The following TRAPPC8 variants were observed in gnomAD, a reference collection of about 807,000 sequenced individuals.
TRAPPC8 encodes the protein trafficking protein particle complex subunit 8.
In TRAPPC8, 54 loss-of-function variants were observed where a neutral mutation model predicts 174.3. That is an observed-to-expected ratio of 0.31 (90% confidence interval 0.25 to 0.39). The LOEUF (loss-of-function observed/expected upper bound fraction) is 0.39, where lower values mean the gene tolerates loss of function less well. TRAPPC8 is among the 10% of genes least tolerant of loss of function. TRAPPC8 has a pLI of 1.00. For missense variants in TRAPPC8, 1,531 were observed against 1,699.1 expected, an observed-to-expected ratio of 0.90 and a Z score of 1.74; for synonymous variants, 630 against 579.9, an observed-to-expected ratio of 1.09 and a Z score of -1.24.
chr18:31,911,864 C>T (rs1237688222), intron 5 of TRAPPC8, among the ~76,000 whole-genome samples: 2 of 141,472 alleles, frequency 1.4e-5, no homozygotes, highest in East Asian at 4.0e-4. Flanking sequence ...AGAGCGAGAT[C>T]CTGTCTCAAA....
At chr18:31,890,621 T>C (rs561871457) in intron 12 of TRAPPC8, 114 bp downstream of exon 12, 79 of 1,233,432 alleles carry the variant, frequency 6.4e-5, no homozygotes, top group Non-Finnish European at 8.4e-5. Flanking sequence ...TACCAATACA[T>C]TACCTCAGAA....
intron 24 of TRAPPC8, 151 bp from the exon 25 acceptor site, chr18:31,849,890 G>A (rs1341344375): frequency 7.9e-6 from 5 of 634,544 alleles, no homozygotes; most frequent in Non-Finnish European, 1.2e-5. Flanking sequence ...AATAATTCTT[G>A]TCAATGTAGT....
intron 12 of TRAPPC8, among the ~76,000 whole-genome samples, chr18:31,885,685 C>T (rs1487560702): frequency 6.6e-6 from 1 of 151,662 alleles, no homozygotes; most frequent in African/African-American, 2.4e-5. Context: ...ATGGAGAAAC[C>T]CTGTCTCTAC....
At chr18:31,908,134 T>G (rs1319130165) in intron 8 of TRAPPC8, among the ~76,000 whole-genome samples, 169 bp downstream of exon 8, 2 of 152,216 alleles carry the variant, frequency 1.3e-5, no homozygotes. Context: ...ATTACTTAGT[T>G]TTTAAAAAAT....
chr18:31,908,918 A>G lies in TRAPPC8; in HGVS notation c.958T>C (p.Ser320Pro), dbSNP rs1467136823. The G allele has an allele frequency of 4.3e-6, 7 of 1,613,788 alleles. No individual in the cohort carries two copies. The highest frequency in any genetic ancestry group is 1.1e-5 in the South Asian group (1 of 91,066). Reference sequence around the variant, plus strand: ...TTTGTTTCATGTAACGATGAAGCAGATCTTAGATGATCTGGGCCATCAATA... The same window carrying G: ...TTTGTTTCATGTAACGATGAAGCAGGTCTTAGATGATCTGGGCCATCAATA... ...NSIDGPDHLR[S>P]ASSLHETKKG... Residue 320 changes from serine to proline, a missense_variant, in exon 7 of 29, where the codon TCT (serine) becomes CCT (proline). Coordinates refer to ENST00000283351, the MANE Select transcript of TRAPPC8 (RefSeq NM_014939.5).
intron 2 of TRAPPC8, among the ~76,000 whole-genome samples, chr18:31,919,601 AATC>A (rs1568136767): frequency 6.8e-6 from 1 of 147,136 alleles, no homozygotes; most frequent in East Asian, 2.0e-4. Flanking sequence ...AAATAATAAT[AATC>A]CTAACACTTT....
At chr18:31,870,558 A>C in intron 15 of TRAPPC8, 56 bp from the exon 16 acceptor site, 1 of 1,543,276 alleles carries the variant, frequency 6.5e-7, no homozygotes, top group Non-Finnish European at 8.8e-7. Flanking sequence ...CCTCATTCTC[A>C]GCTTCGATCT....
chr18:31,916,762 G>T lies in TRAPPC8; in HGVS notation c.443-316C>A, dbSNP rs188862997. ...TTGGCCAGGCTGGTCTTGAACTCCTGACCTCAGGTAACCCGCCCGCCTCAG... is the reference window on the plus strand; with the variant it reads ...TTGGCCAGGCTGGTCTTGAACTCCTTACCTCAGGTAACCCGCCCGCCTCAG... On this transcript the variant is annotated intron_variant, in intron 3 of 28. Coordinates refer to ENST00000283351, the MANE Select transcript of TRAPPC8 (RefSeq NM_014939.5). 5.8e-4 allele frequency among the ~76,000 whole-genome samples: 86 copies of T among 148,436 alleles called. 1 individual carries two copies. Among genetic ancestry groups the T allele is most frequent in the African/African-American group, 2.0e-3 (81 of 40,318 alleles).
Position 31,909,664 on chromosome 18 carries a change from G to A in TRAPPC8, c.865+3C>T, listed in dbSNP as rs938501414. 13 of 1,590,080 alleles carry A rather than the reference G, an allele frequency of 8.2e-6. No individual in the cohort carries two copies. The highest frequency in any genetic ancestry group is 1.1e-5 in the Non-Finnish European group (13 of 1,173,568). On this transcript the variant is annotated splice_donor_region_variant and intron_variant, in intron 6 of 28. Coordinates refer to ENST00000283351, the MANE Select transcript of TRAPPC8 (RefSeq NM_014939.5). The stretch of plus-strand genomic sequence containing the variant: ...GAGAAACTTAGAGAAAATATATCAA[G>A]ACCTTTGACTTCGTTATCTAATCCA...
intron 3 of TRAPPC8, 144 bp from the exon 4 acceptor site, chr18:31,916,590 T>C (rs2037156485): frequency 2.6e-6 from 2 of 763,394 alleles, no homozygotes; most frequent in Non-Finnish European, 3.9e-6. Context: ...TGGAGAGCAG[T>C]GGCGTGATCT....
At chr18:31,855,024 AC>A (rs1283229948) in intron 21 of TRAPPC8, among the ~76,000 whole-genome samples, 6 of 150,718 alleles carry the variant, frequency 4.0e-5, no homozygotes, top group Non-Finnish European at 7.4e-5. Flanking sequence ...ACATGGTGAA[AC>A]CCTGTCTCTA....
intron 16 of TRAPPC8, among the ~76,000 whole-genome samples, chr18:31,869,205 GATA>G (rs1373604364): frequency 1.3e-5 from 2 of 151,484 alleles, no homozygotes. Context: ...AAGTATCTTA[GATA>G]CATAAAGGAC....
rs191207470 is a variant in TRAPPC8, at chr18:31,888,511, C to T, written c.1728+2224G>A. Among the ~76,000 whole-genome samples, 12 of 152,252 alleles carry T rather than the reference C, an allele frequency of 7.9e-5. No individual in the cohort carries two copies. The East Asian group carries it at 2.1e-3, about 27-fold the overall frequency. ...CACAATAGCAGAGACATGGAATCAA[C>T]CCAAATGCCCATCAATGATAGAATG... On this transcript the variant is annotated intron_variant, in intron 12 of 28. Transcript: ENST00000283351.
chr18:31,922,939 C>T (rs768587488), intron 2 of TRAPPC8, among the ~76,000 whole-genome samples: 12 of 152,130 alleles, frequency 7.9e-5, no homozygotes, highest in Non-Finnish European at 1.3e-4. Context: ...ATCGCTTGAG[C>T]CCAGGAGGCA....
chr18:31,850,810 A>G lies in TRAPPC8; in HGVS notation c.3562-1071T>C, dbSNP rs1042995492. ...GAAAAATGTGTTTCTTTCTGCCTTC[A>G]CCAGTGCTCTTACACTAAATTATTT... On this transcript the variant is annotated intron_variant, in intron 24 of 28. Transcript: ENST00000283351. Among the ~76,000 whole-genome samples, 12 of 152,278 alleles carry G rather than the reference A, an allele frequency of 7.9e-5. No homozygotes were observed. In the South Asian group the frequency reaches 2.5e-3, roughly 32 times the overall value.
chr18:31,938,541 C>T (rs1474649290), intron 1 of TRAPPC8, among the ~76,000 whole-genome samples: 1 of 152,010 alleles, frequency 6.6e-6, no homozygotes, highest in Non-Finnish European at 1.5e-5. Context: ...TAGCTTTAAA[C>T]CAAGTGTTTT....
chr18:31,866,001 A>G (rs2034568808), intron 18 of TRAPPC8, among the ~76,000 whole-genome samples: 1 of 151,950 alleles, frequency 6.6e-6, no homozygotes, highest in Admixed American at 6.6e-5. Flanking sequence ...GAATTATCCT[A>G]GATACCCAGG....
chr18:31,868,228 T>C (rs1361923166), intron 16 of TRAPPC8, among the ~76,000 whole-genome samples: 1 of 152,128 alleles, frequency 6.6e-6, no homozygotes, highest in Non-Finnish European at 1.5e-5. Context: ...AACGCTATTA[T>C]ACTTTCACCA....
intron 12 of TRAPPC8, among the ~76,000 whole-genome samples, chr18:31,877,538 G>A (rs918361203): frequency 2.3e-4 from 34 of 151,016 alleles, no homozygotes; most frequent in African/African-American, 5.6e-4. Context: ...CATGAACCCC[G>A]GGGGGCGGAG....
Sources: allele counts gnomAD v4.1 joint callset (sites outside exome capture counted in the v4.1 genomes callset), GRCh38; gene constraint gnomAD v4.1.1; transcripts MANE v1.5; gene names NCBI Gene and HGNC (gene_info 2026-07-23, HGNC 2026-07-21).